The following SLC39A11 variants were observed in gnomAD, a reference collection of about 807,000 sequenced individuals.
SLC39A11 encodes zinc transporter ZIP11.
SLC39A11 carries 33 observed loss-of-function variants against 36.1 expected under a neutral mutation model. That is an observed-to-expected ratio of 0.91 (90% confidence interval 0.69 to 1.22). SLC39A11 has a LOEUF of 1.22. Ranked by LOEUF, SLC39A11 falls within the 50% of genes most tolerant of loss-of-function variation. SLC39A11 has a pLI of 0.00. For synonymous variants in SLC39A11, 166 were observed against 170.3 expected (o/e 0.97, Z 0.20); for missense variants, 432 against 430.3 (o/e 1.00, Z -0.03).
At chr17:73,000,600 G>A (rs939791652) in intron 4 of SLC39A11, among the ~76,000 whole-genome samples, 2 of 152,140 alleles carry the variant, frequency 1.3e-5, no homozygotes, top group Non-Finnish European at 2.9e-5. Flanking sequence ...CATTCTGGGA[G>A]CTACTTGGTA....
intron 6 of SLC39A11, among the ~76,000 whole-genome samples, chr17:72,837,645 CCATCAAGTGATGAAA>C (rs1262246164): frequency 8.5e-5 from 13 of 152,148 alleles, no homozygotes; most frequent in Non-Finnish European, 1.5e-4. Context: ...ATCCAAATGT[CCATCAAGTGATGAAA>C]CAGTAAACAA....
At chr17:72,681,184 C>T (rs1043775190) in intron 7 of SLC39A11, among the ~76,000 whole-genome samples, 1 of 152,156 alleles carries the variant, frequency 6.6e-6, no homozygotes, top group Admixed American at 6.5e-5. Flanking sequence ...ACCTCGGCCT[C>T]CCAAAGTGCT....
chr17:73,015,436 C>G (rs574542914), intron 4 of SLC39A11, among the ~76,000 whole-genome samples: 2 of 152,334 alleles, frequency 1.3e-5, no homozygotes, highest in East Asian at 3.9e-4. Context: ...ATCCCAAGCT[C>G]AAGGGATAAC....
intron 7 of SLC39A11, among the ~76,000 whole-genome samples, chr17:72,657,650 T>A (rs2070196018): frequency 6.6e-6 from 1 of 152,150 alleles, no homozygotes; most frequent in Non-Finnish European, 1.5e-5. Context: ...TAGGACTTAC[T>A]CAGTGCTAAA....
intron 3 of SLC39A11, among the ~76,000 whole-genome samples, chr17:73,061,548 T>A (rs1440817580): frequency 1.3e-5 from 2 of 152,238 alleles, no homozygotes; most frequent in Non-Finnish European, 2.9e-5. Context: ...TCAAATCACC[T>A]ATGATGACCT....
At chr17:72,977,492 T>C (rs1350419752) in intron 4 of SLC39A11, among the ~76,000 whole-genome samples, 1 of 152,164 alleles carries the variant, frequency 6.6e-6, no homozygotes, top group Non-Finnish European at 1.5e-5. Flanking sequence ...AAAAGGAGCG[T>C]GTCCCCAGGC....
chr17:72,752,287 C>T (rs769001806), intron 6 of SLC39A11, among the ~76,000 whole-genome samples: 15 of 152,292 alleles, frequency 9.8e-5, no homozygotes, highest in South Asian at 6.2e-4. Context: ...CTCTGTCACC[C>T]GGGCTGGAGA....
intron 3 of SLC39A11, among the ~76,000 whole-genome samples, chr17:73,077,894 T>C (rs755507283): frequency 7.2e-5 from 11 of 152,178 alleles, no homozygotes; most frequent in Non-Finnish European, 1.3e-4. Flanking sequence ...CCTTTCTTGT[T>C]TTATTTTGGT....
In SLC39A11 at chr17:72,799,002, G is replaced by A. The variant is rs142035560; in HGVS notation, c.601+50632C>T. ...GGGAGAAGAAGAGGACCATGGGTTG[G>A]TGGAGGAGGGGAGAGGAGCTGGCAA... is the stretch of plus-strand genomic sequence containing the variant. On this transcript the variant is annotated intron_variant, in intron 6 of 9. Coordinates refer to ENST00000255559, the MANE Select transcript of SLC39A11 (RefSeq NM_139177.4). 8.0e-3 allele frequency among the ~76,000 whole-genome samples: 1,205 copies of A among 151,414 alleles called. 26 individuals carry two copies. Among genetic ancestry groups the A allele is most frequent in the African/African-American group, 0.028 (1,154 of 40,752 alleles).
chr17:72,824,388 A>G (rs959666550), intron 6 of SLC39A11, among the ~76,000 whole-genome samples: 3 of 151,304 alleles, frequency 2.0e-5, no homozygotes, highest in African/African-American at 7.3e-5. Flanking sequence ...TGAGCCAATT[A>G]AATCTCTTTT....
intron 3 of SLC39A11, among the ~76,000 whole-genome samples, chr17:73,069,761 T>C (rs1478405123): frequency 6.6e-6 from 1 of 152,198 alleles, no homozygotes; most frequent in Non-Finnish European, 1.5e-5. Context: ...TCAAAAGAAT[T>C]GATACTCAGT....
intron 5 of SLC39A11, among the ~76,000 whole-genome samples, chr17:72,941,435 G>A (rs2085092008): frequency 6.6e-6 from 1 of 152,174 alleles, no homozygotes; most frequent in Non-Finnish European, 1.5e-5. Context: ...AAGCCACCCG[G>A]TTTGTGGTAT....
chr17:72,959,325 G>GTGTGTGTGTATATATATATA (rs1436484912), intron 4 of SLC39A11, among the ~76,000 whole-genome samples: 1 of 65,546 alleles, frequency 1.5e-5, no homozygotes, highest in African/African-American at 6.9e-5. Context: ...GTGTGTGTGT[G>GTGTGTGTGTATATATATATA]TATATATATA....
intron 4 of SLC39A11, among the ~76,000 whole-genome samples, chr17:72,999,535 G>A (rs1246374843): frequency 6.6e-6 from 1 of 152,128 alleles, no homozygotes; most frequent in Non-Finnish European, 1.5e-5. Flanking sequence ...AGGGTTTATT[G>A]AGCCTTATAT....
chr17:72,895,344 C>A (rs894323889), intron 5 of SLC39A11, among the ~76,000 whole-genome samples: 2 of 151,992 alleles, frequency 1.3e-5, no homozygotes, highest in Admixed American at 1.3e-4. Context: ...TTTGGGAGGC[C>A]AAGGTGGGAG....
At chr17:73,074,578 T>A (rs1166670290) in intron 3 of SLC39A11, among the ~76,000 whole-genome samples, 1 of 152,130 alleles carries the variant, frequency 6.6e-6, no homozygotes, top group African/African-American at 2.4e-5. Flanking sequence ...ATTACAGGTG[T>A]GAGCCACCGT....
At chr17:72,684,757 A>T (rs1329208707) in intron 7 of SLC39A11, among the ~76,000 whole-genome samples, 1 of 152,194 alleles carries the variant, frequency 6.6e-6, no homozygotes, top group African/African-American at 2.4e-5. Context: ...CGGTGTCATC[A>T]GAGAGCTGGG....
chr17:72,989,028 C>G (rs908285294), intron 4 of SLC39A11, among the ~76,000 whole-genome samples: 1 of 152,106 alleles, frequency 6.6e-6, no homozygotes, highest in South Asian at 2.1e-4. Flanking sequence ...CTGGCCACCA[C>G]GATAAGACCT....
chr17:72,953,663 C>A (rs2086030911), intron 4 of SLC39A11, among the ~76,000 whole-genome samples: 1 of 152,230 alleles, frequency 6.6e-6, no homozygotes, highest in South Asian at 2.1e-4. Flanking sequence ...GCCCCCCCTA[C>A]AAAGCACGTT....
Sources: allele counts gnomAD v4.1 joint callset (sites outside exome capture counted in the v4.1 genomes callset), GRCh38; gene constraint gnomAD v4.1.1; transcripts MANE v1.5; gene names NCBI Gene and HGNC (gene_info 2026-07-23, HGNC 2026-07-21).